Variants in DNAH8 observed in about 807,000 individuals in gnomAD.
DNAH8 encodes dynein axonemal heavy chain 8, also known as axonemal beta dynein heavy chain 8.
Under a neutral mutation model 562.1 loss-of-function variants are expected in DNAH8, and 382 were observed. That is an observed-to-expected ratio of 0.68 (90% CI 0.63 to 0.74). DNAH8 has a LOEUF of 0.74. Ranked by LOEUF, DNAH8 falls within the 30% of genes least tolerant of loss-of-function variation. The pLI is 0.00. For missense variants in DNAH8, 5,203 were observed against 5,620.4 expected (o/e 0.93, Z 2.37); for synonymous variants, 1,881 against 1,919.4 (o/e 0.98, Z 0.52).
At chr6:39,011,759 TA>T (rs1766226935) in intron 89 of DNAH8, among the ~76,000 whole-genome samples, 1 of 152,256 alleles carries the variant, frequency 6.6e-6, no homozygotes, top group Admixed American at 6.5e-5. Flanking sequence ...AAACTATAGC[TA>T]ATCATATTTG....
intron 81 of DNAH8, among the ~76,000 whole-genome samples, chr6:38,950,311 T>C (rs1761789255): frequency 6.6e-6 from 1 of 151,992 alleles, no homozygotes; most frequent in African/African-American, 2.4e-5. Context: ...TTTGAAGCAA[T>C]TTTTTCTTTT....
In DNAH8 at chr6:38,737,730, ATTAT is replaced by A. The variant is rs1764207510; in HGVS notation, c.953-75_953-72del. 8 of 631,468 alleles carry A rather than the reference ATTAT, an allele frequency of 1.3e-5. 1 individual carries two copies. In the South Asian group the frequency reaches 4.0e-4, roughly 32 times the overall value. The allele number at this position is 631,468 out of a possible 1,614,324, so 39.1% of individuals were successfully genotyped here. A position where few individuals can be genotyped will look rare whatever the true frequency, so the allele number is the denominator to read the frequency against. ...CATTAAATACTTCTTACTATTAAAT[ATTAT>A]TTAATATTTTTATTAATATATTTAA... On this transcript the variant is annotated intron_variant, in intron 6 of 92. Transcript: ENST00000327475.
chr6:38,941,055 G>A (rs552633383), intron 79 of DNAH8, among the ~76,000 whole-genome samples: 2 of 152,162 alleles, frequency 1.3e-5, no homozygotes, highest in African/African-American at 4.8e-5. Flanking sequence ...GGGAGTCGGA[G>A]GTTGCAGTGA....
chr6:38,962,843 T>C (rs2150668776), intron 82 of DNAH8, among the ~76,000 whole-genome samples: 1 of 152,248 alleles, frequency 6.6e-6, no homozygotes, highest in Non-Finnish European at 1.5e-5. Context: ...CTGGGTGGAA[T>C]TGGAGACCAT....
intron 52 of DNAH8, 115 bp from the exon 53 acceptor site, chr6:38,875,476 G>A (rs1375499249): frequency 7.8e-6 from 5 of 640,800 alleles, no homozygotes; most frequent in African/African-American, 1.8e-5. Flanking sequence ...GCAATAGCTT[G>A]AGATATATCT....
rs1472059399 is a variant in DNAH8, at chr6:38,826,294, C to T, written c.3986C>T (p.Pro1329Leu). 6.2e-7 allele frequency: 1 copy of T among 1,613,060 alleles called. No individual in the cohort carries two copies. Among genetic ancestry groups the T allele is most frequent in the Non-Finnish European group, 8.5e-7 (1 of 1,179,558 alleles). Residue 1329 changes from proline to leucine, a missense_variant, in exon 29 of 93, where the codon CCT (proline) becomes CTT (leucine). Around this residue, in one of 6 missense-constraint regions of DNAH8, gnomAD observed 2,176 missense variants for 2,365.1 expected, o/e 0.92. Transcript: ENST00000327475. ...INEYLKKLSR[P>L]IRDLDDVRFA... ...GAATACTTGAAAAAGTTATCTAGAC[C>T]TATTCGTGATTTAGATGATGTCAGA... is the stretch of plus-strand genomic sequence containing the variant.
intron 87 of DNAH8, among the ~76,000 whole-genome samples, chr6:38,987,016 T>C (rs1400449705): frequency 6.6e-6 from 1 of 152,212 alleles, no homozygotes; most frequent in African/African-American, 2.4e-5. Flanking sequence ...AAGTGCTCAG[T>C]AAATATTTGT....
intron 5 of DNAH8, among the ~76,000 whole-genome samples, chr6:38,736,277 C>T (rs999929093): frequency 2.6e-5 from 4 of 152,156 alleles, no homozygotes; most frequent in African/African-American, 9.7e-5. Flanking sequence ...TTGTTTACAT[C>T]ATTAGAACTA....
chr6:38,721,246 C>T (rs1291015795), intron 1 of DNAH8, among the ~76,000 whole-genome samples: 1 of 152,102 alleles, frequency 6.6e-6, no homozygotes, highest in Non-Finnish European at 1.5e-5. Flanking sequence ...AGCCCAGGAG[C>T]TTGAGTACTG....
chr6:38,805,514 C>A lies in DNAH8; in HGVS notation c.3068C>A (p.Thr1023Lys). Residue 1023 changes from threonine to lysine, a missense_variant, in exon 23 of 93, where the codon ACA becomes AAA. Thr to Lys is a moderately conservative substitution (Grantham distance 78). This residue lies in a region of DNAH8 where 2,176 missense variants were observed against 2,365.1 expected (regional missense o/e 0.92). Coordinates refer to ENST00000327475, the MANE Select transcript of DNAH8 (RefSeq NM_001206927.2). ...AAACACGTTGTTTTTGGAAGTGAAA[C>A]AGGAGAGGGTGAAAACAATGACTAT... ...QRKHVVFGSE[T>K]GEGENNDYEA... The A allele has an allele frequency of 6.2e-7, 1 of 1,610,202 alleles. No individual in the cohort carries two copies. The highest frequency in any genetic ancestry group is 8.5e-7 in the Non-Finnish European group (1 of 1,176,850).
At chr6:38,831,934 TCA>T (rs1236832857) in intron 30 of DNAH8, among the ~76,000 whole-genome samples, 1 of 152,062 alleles carries the variant, frequency 6.6e-6, no homozygotes, top group African/African-American at 2.4e-5. Flanking sequence ...TAGAGTAATA[TCA>T]CTTTCTTTTA....
In DNAH8 at chr6:38,723,223, A is replaced by G. The variant is rs750096130; in HGVS notation, c.390+24A>G. ...AGGTTTGCTTCTAATACGATTTTTC[A>G]TGTGTGCCACTTTTCCTTATCAAAT... On this transcript the variant is annotated intron_variant, in intron 2 of 92. Transcript: ENST00000327475. The G allele has an allele frequency of 3.8e-6, 6 of 1,591,054 alleles. No individual in the cohort carries two copies. The East Asian group carries it at 1.1e-4, about 30-fold the overall frequency.
intron 76 of DNAH8, among the ~76,000 whole-genome samples, chr6:38,934,726 T>C (rs1286632089): frequency 2.0e-5 from 3 of 152,196 alleles, no homozygotes; most frequent in African/African-American, 7.2e-5. Flanking sequence ...AATTTGAATA[T>C]TGGGCTACAC....
At chr6:38,806,994 C>T (rs1441325819) in intron 23 of DNAH8, among the ~76,000 whole-genome samples, 1 of 152,066 alleles carries the variant, frequency 6.6e-6, no homozygotes, top group African/African-American at 2.4e-5. Context: ...CAGAGCCTTG[C>T]CCCGATGTAT....
intron 91 of DNAH8, among the ~76,000 whole-genome samples, chr6:39,021,383 C>T (rs527564669): frequency 6.6e-6 from 1 of 152,302 alleles, no homozygotes; most frequent in East Asian, 1.9e-4. Context: ...CTGAGAATCC[C>T]TGCCTTAAAA....
At chr6:38,793,311 G>C (rs1769927449) in intron 21 of DNAH8, among the ~76,000 whole-genome samples, 1 of 152,118 alleles carries the variant, frequency 6.6e-6, no homozygotes, top group Non-Finnish European at 1.5e-5. Flanking sequence ...GAGCCACCTT[G>C]CCTGTGAGAT....
intron 12 of DNAH8, among the ~76,000 whole-genome samples, chr6:38,775,072 C>G (rs939031955): frequency 2.6e-5 from 4 of 152,286 alleles, no homozygotes; most frequent in Non-Finnish European, 5.9e-5. Flanking sequence ...GGTTTATTCC[C>G]TTTCTGGCCA....
intron 1 of DNAH8, among the ~76,000 whole-genome samples, chr6:38,719,343 C>G (rs1461452813): frequency 6.6e-6 from 1 of 152,152 alleles, no homozygotes; most frequent in Non-Finnish European, 1.5e-5. Flanking sequence ...AGATAGTGAG[C>G]ATAGTACCCA....
intron 3 of DNAH8, among the ~76,000 whole-genome samples, chr6:38,728,719 G>C (rs941560635): frequency 6.6e-6 from 1 of 152,152 alleles, no homozygotes; most frequent in Non-Finnish European, 1.5e-5. Context: ...CTCCCAGGGT[G>C]GTGGTTCTCA....
Sources: gnomAD v4.1 joint callset for allele counts (sites outside exome capture counted in the v4.1 genomes callset) on GRCh38, gnomAD v4.1.1 for gene constraint, gnomAD v4.1.1 regional missense constraint, MANE v1.5 for transcripts, NCBI Gene and HGNC (gene_info 2026-07-23, HGNC 2026-07-21) for gene names.